The following KDR variants were observed in gnomAD, a reference collection of about 807,000 sequenced individuals.
KDR encodes the protein vascular endothelial growth factor receptor 2.
KDR carries 43 observed loss-of-function variants against 160.9 expected under a neutral mutation model. That is an observed-to-expected ratio of 0.27 (90% CI 0.21 to 0.34). The LOEUF (loss-of-function observed/expected upper bound fraction) is 0.34, where lower values mean the gene tolerates loss of function less well. Among genes scored for constraint, KDR ranks in the 10% least tolerant of loss-of-function variants. The probability of loss-of-function intolerance (pLI) is 1.00; values close to 1 mark genes in which losing one functional copy is unlikely to be tolerated. For missense variants in KDR, 1,469 were observed against 1,666.4 expected (o/e 0.88, Z 2.06); for synonymous variants, 617 against 600.1 (o/e 1.03, Z -0.41).
At chr4:55,120,851 C>CGTGT (rs3034659) in intron 2 of KDR, among the ~76,000 whole-genome samples, 44,769 of 149,864 alleles carry the variant, frequency 0.3, 6,829 homozygotes, top group Middle Eastern at 0.38. Context: ...TATTTGTGTG[C>CGTGT]GTGTGTGTGT....
At chr4:55,105,962 C>G in intron 11 of KDR, 22 bp from the exon 12 acceptor site, 2 of 1,498,544 alleles carry the variant, frequency 1.3e-6, no homozygotes, top group Non-Finnish European at 1.9e-6. Flanking sequence ...AAAAACAAAT[C>G]CCAGGCCATA....
At chr4:55,081,268 C>T (rs1719730009) in intron 29 of KDR, among the ~76,000 whole-genome samples, 1 of 151,958 alleles carries the variant, frequency 6.6e-6, no homozygotes, top group Admixed American at 6.6e-5. Context: ...AGATTATAAG[C>T]AGATCAAAAC....
intron 18 of KDR, among the ~76,000 whole-genome samples, chr4:55,097,408 T>G (rs1560516565): frequency 6.6e-6 from 1 of 152,162 alleles, no homozygotes; most frequent in African/African-American, 2.4e-5. Context: ...ACAACTGTGT[T>G]GGCTGAGCCC....
At chr4:55,089,523 G>T in intron 24 of KDR, 50 bp from the exon 25 acceptor site, 1 of 1,486,062 alleles carries the variant, frequency 6.7e-7, no homozygotes, top group Non-Finnish European at 9.4e-7. Flanking sequence ...TTCTCTTATA[G>T]AAAACCCTGA....
intron 27 of KDR, among the ~76,000 whole-genome samples, chr4:55,082,903 GACA>G (rs992302260): frequency 6.6e-6 from 1 of 152,294 alleles, no homozygotes; most frequent in South Asian, 2.1e-4. Context: ...CTGGACTAAA[GACA>G]ACAACAGCAG....
At chr4:55,083,463 A>G (rs528834015) in intron 27 of KDR, among the ~76,000 whole-genome samples, 34 of 152,272 alleles carry the variant, frequency 2.2e-4, no homozygotes, top group Non-Finnish European at 4.3e-4. Flanking sequence ...CTTCAAACAA[A>G]GCTCATTTTT....
intron 4 of KDR, 74 bp downstream of exon 4, chr4:55,115,207 A>G: frequency 7.3e-7 from 1 of 1,362,630 alleles, no homozygotes; most frequent in Admixed American, 1.7e-5. Flanking sequence ...TGAATATTAT[A>G]AACAGGTTAC....
At chr4:55,084,607 G>T (rs1424036174) in intron 27 of KDR, among the ~76,000 whole-genome samples, 2 of 152,178 alleles carry the variant, frequency 1.3e-5, no homozygotes, top group Non-Finnish European at 2.9e-5. Flanking sequence ...GGAGATGAGG[G>T]AGTCAAGGAT....
At chr4:55,098,321 T>C (rs763179441) in intron 16 of KDR, 49 bp from the exon 17 acceptor site, 1 of 1,608,798 alleles carries the variant, frequency 6.2e-7, no homozygotes, top group East Asian at 2.2e-5. Context: ...TGTTTGGCTG[T>C]TGTTTTGTGT....
Position 55,104,668 on chromosome 4 carries a change from G to A in KDR, c.1962C>T (p.Cys654=), listed in dbSNP as rs544591377. Residue 654 remains cysteine (C), a synonymous_variant, in exon 13 of 30, where the codon TGC becomes TGT. Transcript: ENST00000263923. ...CTAGGACTGTGAGCTGCCTGACCAC[G>A]CAATGTCTTTTCTTGGTCTTCCTGT... The part of the protein sequence containing the change: ...AQDRKTKKRH[C]VVRQLTVLER... The A allele has an allele frequency of 1.5e-5, 24 of 1,613,528 alleles. No individual in the cohort carries two copies. Among genetic ancestry groups the A allele is most frequent in the Admixed American group, 3.3e-5 (2 of 59,950 alleles).
At position 55,079,392 on chromosome 4, in the gene KDR, G is replaced by A. The variant is rs933555932; in HGVS notation, c.*549C>T. On this transcript the variant is annotated 3_prime_UTR_variant, in exon 30 of 30. Transcript: ENST00000263923. ...CCACCTCCACCAGAGCAAACACAATGCATTTGCAGGCTCCAGTACTCTCCA... is the reference window on the plus strand; with the variant it reads ...CCACCTCCACCAGAGCAAACACAATACATTTGCAGGCTCCAGTACTCTCCA... The A allele has an allele frequency of 4.0e-6, 1 of 248,726 alleles. No homozygotes were observed. Among genetic ancestry groups the A allele is most frequent in the African/African-American group, 2.2e-5 (1 of 45,608 alleles). 15.4% of individuals were successfully genotyped at this position (248,726 alleles called of 1,614,324 possible). A position where few individuals can be genotyped will look rare whatever the true frequency, so the allele number is the denominator to read the frequency against.
chr4:55,103,731 A>G (rs914108502), intron 13 of KDR, among the ~76,000 whole-genome samples: 10 of 152,120 alleles, frequency 6.6e-5, no homozygotes, highest in Non-Finnish European at 1.3e-4. Flanking sequence ...GTTACCCTCT[A>G]AAACTGTGGT....
chr4:55,099,721 T>C (rs967604881), intron 15 of KDR, among the ~76,000 whole-genome samples: 1 of 152,152 alleles, frequency 6.6e-6, no homozygotes, highest in African/African-American at 2.4e-5. Flanking sequence ...AGTTTTCAGA[T>C]GAAGAAACAG....
Position 55,110,654 on chromosome 4 carries a change from C to A in KDR, c.1091G>T (p.Trp364Leu), listed in dbSNP as rs368979581. Reference sequence around the variant, plus strand: ...CTTTGCATTTATTTCCAGTAGTTACCATTTTATTTCTGGGGGTGGGTAACC... The same window carrying A: ...CTTTGCATTTATTTCCAGTAGTTACAATTTTATTTCTGGGGGTGGGTAACC... The part of the protein sequence containing the change: ...YLGYPPPEIK[W>L]YKNGIPLESN... Residue 364 changes from tryptophan to leucine, a missense_variant and splice_region_variant, in exon 8 of 30, where the codon TGG becomes TTG. Physicochemically the swap from Trp to Leu is moderately conservative, Grantham distance 61. This residue lies in a region of KDR where 792 missense variants were observed against 840.9 expected (regional missense o/e 0.94). Coordinates refer to ENST00000263923, the MANE Select transcript of KDR (RefSeq NM_002253.4). The A allele has an allele frequency of 1.2e-6, 2 of 1,613,266 alleles. No homozygotes were observed. The highest frequency in any genetic ancestry group is 1.7e-6 in the Non-Finnish European group (2 of 1,179,414).
intron 16 of KDR, 93 bp from the exon 17 acceptor site, chr4:55,098,365 T>G (rs746049564): frequency 1.0e-4 from 146 of 1,434,506 alleles, no homozygotes; most frequent in Non-Finnish European, 1.4e-4. Context: ...GCCTCATTCC[T>G]GTCTCATTTT....
rs761745459 is a variant in KDR, at chr4:55,114,881, G to A, written c.651C>T (p.Val217=). The A allele has an allele frequency of 1.1e-5, 18 of 1,612,764 alleles. No homozygotes were observed. The highest frequency in any genetic ancestry group is 1.3e-5 in the Non-Finnish European group (15 of 1,179,082). ...ESYQSIMYIV[V]VVGYRIYDVV... ...AAGGAAATGTCCTCTTACCTACAAC[G>A]ACAACTATGTACATAATAGACTGGT... The change falls in exon 5 of 30, where the codon GTC becomes GTT. Residue 217 remains valine (V), a synonymous_variant. Transcript: ENST00000263923.
intron 2 of KDR, among the ~76,000 whole-genome samples, chr4:55,120,811 A>G (rs1166435414): frequency 1.3e-5 from 2 of 150,798 alleles, no homozygotes; most frequent in East Asian, 2.0e-4. Context: ...AGGTGGCTGT[A>G]CTGGTTATTG....
Position 55,114,164 on chromosome 4 carries a change from C to G in KDR, c.760G>C (p.Val254Leu). The change falls in exon 6 of 30, where the codon GTG becomes CTG. Residue 254 changes from valine to leucine, a missense_variant. Around this residue, in one of 7 missense-constraint regions of KDR, gnomAD observed 792 missense variants for 840.9 expected, o/e 0.94. Transcript: ENST00000263923. ...LNCTARTELNVGIDFNWEYPS... is the reference protein window; with the variant it reads ...LNCTARTELNLGIDFNWEYPS... The stretch of plus-strand genomic sequence containing the variant: ...TATTCCCAGTTGAAGTCAATCCCCA[C>G]ATTTAGTTCAGTTCTTGCTGTACAA... The G allele has an allele frequency of 1.9e-6, 3 of 1,614,044 alleles. No individual in the cohort carries two copies. Among genetic ancestry groups the G allele is most frequent in the Non-Finnish European group, 2.5e-6 (3 of 1,179,922 alleles).
chr4:55,123,188 T>G (rs982418302), intron 1 of KDR, among the ~76,000 whole-genome samples: 7 of 151,874 alleles, frequency 4.6e-5, no homozygotes, highest in African/African-American at 1.7e-4. Context: ...AAAAGGAAAA[T>G]GAAAACAATT....
Sources: gnomAD v4.1 joint callset for allele counts (sites outside exome capture counted in the v4.1 genomes callset) on GRCh38, gnomAD v4.1.1 for gene constraint, gnomAD v4.1.1 regional missense constraint, MANE v1.5 for transcripts, NCBI Gene and HGNC (gene_info 2026-07-23, HGNC 2026-07-21) for gene names.